Variants in SNX19 observed in about 807,000 individuals in gnomAD.
SNX19 encodes the protein sorting nexin 19.
Under a neutral mutation model 85.2 loss-of-function variants are expected in SNX19, and 60 were observed. The observed-to-expected ratio is 0.70, with a 90% CI of 0.57 to 0.87. The LOEUF is 0.87. SNX19 is among the 40% of genes least tolerant of loss of function. The pLI, the probability that SNX19 is intolerant of heterozygous loss-of-function variation, is 0.00. For missense variants in SNX19, 1,201 were observed against 1,217.8 expected (o/e 0.99, Z 0.21); for synonymous variants, 520 against 470.0 (o/e 1.11, Z -1.38).
rs561676008 is a variant in SNX19 at position 130,913,327 on chromosome 11, T to A, written c.1674+939A>T. Among the ~76,000 whole-genome samples, 18 of 152,340 alleles carry A rather than the reference T, an allele frequency of 1.2e-4. No homozygotes were observed. In the East Asian group the frequency reaches 2.7e-3, roughly 23 times the overall value. On this transcript the variant is annotated intron_variant, in intron 1 of 10. Coordinates refer to ENST00000265909, the MANE Select transcript of SNX19 (RefSeq NM_014758.3). ...GTCCTTTGAGGCTAGTCTCAGTTAT[T>A]TTATGACCAGACATCTGTACTTCTA...
intron 8 of SNX19, among the ~76,000 whole-genome samples, chr11:130,891,044 G>C (rs571296861): frequency 6.6e-6 from 1 of 152,160 alleles, no homozygotes; most frequent in African/African-American, 2.4e-5. Context: ...TCTGCAGAAA[G>C]CATACATCCC....
In SNX19 at chr11:130,866,434, C is replaced by A. The variant is rs1279636705; in HGVS notation, c.*11988G>T. On this transcript the variant is annotated 3_prime_UTR_variant, in exon 11 of 11. Coordinates refer to ENST00000265909, the MANE Select transcript of SNX19 (RefSeq NM_014758.3). ...TGGCACTAGTGGTAATTCCAGCAGA[C>A]AAACAGCATGAGAAAAGGCCGGGAG... 1.3e-5 allele frequency: 2 copies of A among 152,112 alleles called. No individual in the cohort carries two copies. The highest frequency in any genetic ancestry group is 1.3e-4 in the Admixed American group (2 of 15,284). The allele number at this position is 152,112 out of a possible 1,614,324, so 9.4% of individuals were successfully genotyped here. A position where few individuals can be genotyped will look rare whatever the true frequency, so the allele number is the denominator to read the frequency against.
At chr11:130,909,885 G>A in intron 4 of SNX19, 133 bp downstream of exon 4, 4 of 1,174,406 alleles carry the variant, frequency 3.4e-6, no homozygotes, top group Non-Finnish European at 3.6e-6. Flanking sequence ...TTAAGTCCAT[G>A]TTCTATTGAC....
chr11:130,893,630 C>T, intron 8 of SNX19: 1 of 597,604 alleles, frequency 1.7e-6, no homozygotes, highest in South Asian at 2.0e-5. Context: ...AGTGGCAACT[C>T]CAGAATCTCC....
intron 7 of SNX19, chr11:130,905,723 G>A: frequency 6.5e-7 from 1 of 1,535,788 alleles, no homozygotes; most frequent in South Asian, 1.2e-5. Flanking sequence ...CATCCTGCTG[G>A]ATTAGAACTT....
At position 130,876,125 on chromosome 11, in the gene SNX19, AT is replaced by A. The variant is rs1943234129; in HGVS notation, c.*2296del. On this transcript the variant is annotated 3_prime_UTR_variant, in exon 11 of 11. Transcript: ENST00000265909. Reference sequence around the variant, plus strand: ...CAAAATTCTGACTTAAATGAATAAAATTTAGTCACGAGTAAATACAAAAAAC... The same window carrying A: ...CAAAATTCTGACTTAAATGAATAAAATTAGTCACGAGTAAATACAAAAAAC... The A allele has an allele frequency of 6.6e-6, 1 of 152,214 alleles. No individual in the cohort carries two copies. Among genetic ancestry groups the A allele is most frequent in the African/African-American group, 2.4e-5 (1 of 41,448 alleles). 9.4% of individuals were successfully genotyped at this position (152,214 alleles called of 1,614,324 possible).
In SNX19 at chr11:130,910,292, C is replaced by T; in HGVS notation, c.1892G>A (p.Ser631Asn). Residue 631 changes from serine (S) to asparagine (N), a missense_variant, in exon 3 of 11, where the codon AGC becomes AAC. Around this residue, in one of 3 missense-constraint regions of SNX19, gnomAD observed 125 missense variants for 171.6 expected, o/e 0.73. Transcript: ENST00000265909. ...MDSDRVEARK[S>N]LLESFLKQLC... Reference sequence around the variant, plus strand: ...GACCTTTAGGAATGATTCTAGGAGGCTCTTACGGGCTTCTACTCTGTCACT... The same window carrying T: ...GACCTTTAGGAATGATTCTAGGAGGTTCTTACGGGCTTCTACTCTGTCACT... 1 of 1,613,296 alleles carries T rather than the reference C, an allele frequency of 6.2e-7. No individual in the cohort carries two copies. The highest frequency in any genetic ancestry group is 8.5e-7 in the Non-Finnish European group (1 of 1,179,810).
intron 5 of SNX19, 26 bp downstream of exon 5, chr11:130,907,927 T>TC: frequency 6.2e-7 from 1 of 1,611,678 alleles, no homozygotes; most frequent in Non-Finnish European, 8.5e-7. Flanking sequence ...TGGGGAAAGG[T>TC]CCCTGGGTAA....
In SNX19 at chr11:130,914,950, T is replaced by C. The variant is rs780121738; in HGVS notation, c.990A>G (p.Glu330=). ...CTCCCTCTACAGCTTCGTGGCCTTC[T>C]TCAACCTCTGGAGAGGGGCCTGCAG... The part of the protein sequence containing the change: ...EGSAGPSPEV[E]EGHEAVEGDL... The change falls in exon 1 of 11, where the codon GAA becomes GAG. Residue 330 remains glutamate (E), a synonymous_variant. Coordinates refer to ENST00000265909, the MANE Select transcript of SNX19 (RefSeq NM_014758.3). 3.7e-6 allele frequency: 6 copies of C among 1,613,880 alleles called. No individual in the cohort carries two copies. Among genetic ancestry groups the C allele is most frequent in the Admixed American group, 1.7e-5 (1 of 60,008 alleles).
chr11:130,911,529 G>A (rs1260613708), intron 2 of SNX19, 104 bp downstream of exon 2: 2 of 1,559,628 alleles, frequency 1.3e-6, no homozygotes, highest in Admixed American at 1.8e-5. Flanking sequence ...AGAGAACCTT[G>A]AAACGGCATT....
At chr11:130,908,176 G>A in intron 4 of SNX19, 93 bp from the exon 5 acceptor site, 1 of 1,448,686 alleles carries the variant, frequency 6.9e-7, no homozygotes, top group South Asian at 1.3e-5. Flanking sequence ...TATGCAACAG[G>A]ACAAGGAGAG....
chr11:130,894,271 T>C (rs1251742122), intron 8 of SNX19, among the ~76,000 whole-genome samples: 1 of 152,210 alleles, frequency 6.6e-6, no homozygotes, highest in Non-Finnish European at 1.5e-5. Flanking sequence ...GCTCACTCTG[T>C]TCTGAATGAA....
At chr11:130,914,152 T>C in intron 1 of SNX19, 114 bp downstream of exon 1, 1 of 849,154 alleles carries the variant, frequency 1.2e-6, no homozygotes, top group Non-Finnish European at 1.8e-6. Context: ...TAGATGCCTA[T>C]TGAAAGAACC....
At chr11:130,892,511 T>C in intron 8 of SNX19, among the ~76,000 whole-genome samples, 1 of 152,200 alleles carries the variant, frequency 6.6e-6, no homozygotes, top group Non-Finnish European at 1.5e-5. Context: ...CTGTAAAAAT[T>C]CAACCAGGTT....
intron 5 of SNX19, among the ~76,000 whole-genome samples, chr11:130,907,117 T>C (rs1004233341): frequency 1.3e-5 from 2 of 152,226 alleles, no homozygotes; most frequent in East Asian, 3.9e-4. Context: ...TTGCTATTCA[T>C]GGTGTATCCT....
intron 8 of SNX19, among the ~76,000 whole-genome samples, chr11:130,887,392 C>T (rs973365997): frequency 1.7e-4 from 26 of 152,138 alleles, no homozygotes; most frequent in Admixed American, 1.4e-3. Flanking sequence ...GAACATACAA[C>T]TTGAGAGTTG....
In SNX19 at chr11:130,867,288, GTCC is replaced by G. The variant is rs1942806285; in HGVS notation, c.*11131_*11133del. The G allele has an allele frequency of 2.0e-5, 3 of 152,304 alleles. No homozygotes were observed. The South Asian group carries it at 6.2e-4, about 32-fold the overall frequency. The allele number at this position is 152,304 out of a possible 1,614,324, so 9.4% of individuals were successfully genotyped here. Reference sequence around the variant, plus strand: ...TATGAAATACTTTGTGATATAGAAAGTCCTATACATGTGTGAAGTCTTTTCCTC... The same window carrying G: ...TATGAAATACTTTGTGATATAGAAAGTATACATGTGTGAAGTCTTTTCCTC... On this transcript the variant is annotated 3_prime_UTR_variant, in exon 11 of 11. Coordinates refer to ENST00000265909, the MANE Select transcript of SNX19 (RefSeq NM_014758.3).
At position 130,878,472 on chromosome 11, in the gene SNX19, A is replaced by G; in HGVS notation, c.2929T>C (p.Ser977Pro). ...ASVEESAATT[S>P]ASDTPGNSKR... ...GAGTTGCCTGGGGTATCTGAGGCAG[A>G]GGTGGTAGCAGCAGACTCCTCAACA... Residue 977 changes from serine (S) to proline (P), a missense_variant, in exon 11 of 11, where the codon TCT becomes CCT. Around this residue, in one of 3 missense-constraint regions of SNX19, gnomAD observed 285 missense variants for 295.3 expected, o/e 0.97. Transcript: ENST00000265909. 4 of 1,613,942 alleles carry G rather than the reference A, an allele frequency of 2.5e-6. No individual in the cohort carries two copies. The highest frequency in any genetic ancestry group is 3.4e-6 in the Non-Finnish European group (4 of 1,179,902).
At chr11:130,893,883 C>T in intron 8 of SNX19, 2 of 697,794 alleles carry the variant, frequency 2.9e-6, no homozygotes, top group Non-Finnish European at 5.2e-6. Flanking sequence ...TTACCCAACT[C>T]CCTCCCTGCT....
Sources: gnomAD v4.1 joint callset for allele counts (sites outside exome capture counted in the v4.1 genomes callset) on GRCh38, gnomAD v4.1.1 for gene constraint, gnomAD v4.1.1 regional missense constraint, MANE v1.5 for transcripts, NCBI Gene and HGNC (gene_info 2026-07-23, HGNC 2026-07-21) for gene names.